Variants in GSDMC observed in about 807,000 individuals in gnomAD.
GSDMC encodes gasdermin C.
In GSDMC, 59 loss-of-function variants were observed where a neutral mutation model predicts 58.0. That is an observed-to-expected ratio of 1.02 (90% CI 0.82 to 1.26). The LOEUF (loss-of-function observed/expected upper bound fraction) is 1.26. Ranked by LOEUF, GSDMC falls within the 50% of genes most tolerant of loss-of-function variation. The pLI, the probability that GSDMC is intolerant of heterozygous loss-of-function variation, is 0.00. For synonymous variants in GSDMC, 241 were observed against 220.2 expected, an observed-to-expected ratio of 1.09 and a Z score of -0.83; for missense variants, 659 against 598.5, an observed-to-expected ratio of 1.10 and a Z score of -1.06.
At chr8:129,755,578 T>C (rs965248361) in intron 6 of GSDMC, among the ~76,000 whole-genome samples, 2 of 152,110 alleles carry the variant, frequency 1.3e-5, no homozygotes, top group African/African-American at 4.8e-5. Flanking sequence ...ATAAACATTA[T>C]AACACTATAA....
At chr8:129,775,135 T>C (rs1479670951) in intron 3 of GSDMC, among the ~76,000 whole-genome samples, 1 of 152,182 alleles carries the variant, frequency 6.6e-6, no homozygotes, top group Non-Finnish European at 1.5e-5. Context: ...GCAGCATTAT[T>C]CACAGAAACC....
chr8:129,728,684 C>T, the GSDMC span: 5 of 367,754 alleles, frequency 1.4e-5, no homozygotes, highest in South Asian at 1.5e-4. Flanking sequence ...TACCCAGCCA[C>T]ACTGGCTGCA....
rs897240975 is a variant in GSDMC at position 129,765,786 on chromosome 8, A to G, written c.412T>C (p.Leu138=). The G allele has an allele frequency of 1.9e-6, 3 of 1,613,188 alleles. No homozygotes were observed. The highest frequency in any genetic ancestry group is 2.5e-6 in the Non-Finnish European group (3 of 1,179,658). The stretch of plus-strand genomic sequence containing the variant: ...TTCAGAAATGATGGCTCTGGATCCA[A>G]CAGTTTCCTGGGGATTTAAGGAAGG... ...NLEDFQKRKL[L]DPEPSFLKEC... is the part of the protein sequence containing the mutation. Residue 138 remains leucine, a synonymous_variant, in exon 4 of 14, where the codon TTG becomes CTG. Transcript: ENST00000276708.
the GSDMC span, among the ~76,000 whole-genome samples, chr8:129,734,023 A>AT: frequency 2.0e-5 from 3 of 152,252 alleles, no homozygotes; most frequent in Non-Finnish European, 4.4e-5. Flanking sequence ...GAACTACGTG[A>AT]TGCATGCACA....
At chr8:129,758,051 G>T (rs1397552248) in intron 6 of GSDMC, among the ~76,000 whole-genome samples, 1 of 152,156 alleles carries the variant, frequency 6.6e-6, no homozygotes, top group Admixed American at 6.5e-5. Flanking sequence ...GGGATGCAAA[G>T]ATAGTTCAAC....
downstream of GSDMC, among the ~76,000 whole-genome samples, chr8:129,746,624 AG>A (rs1473677112): frequency 6.6e-6 from 1 of 152,240 alleles, no homozygotes; most frequent in Non-Finnish European, 1.5e-5. Flanking sequence ...GCCTGGTTAA[AG>A]TGCTTAACTT....
intron 1 of GSDMC, among the ~76,000 whole-genome samples, chr8:129,783,097 A>G (rs148511900): frequency 0.014 from 2,172 of 152,276 alleles, 60 homozygotes; most frequent in African/African-American, 0.049. Context: ...AGAAAATGAA[A>G]GACAAAAACC....
rs753181335 is a variant in GSDMC at position 129,752,815 on chromosome 8, C to T, written c.727G>A (p.Glu243Lys). The T allele has an allele frequency of 6.2e-6, 10 of 1,614,006 alleles. No homozygotes were observed. The highest frequency in any genetic ancestry group is 1.3e-5 in the African/African-American group (1 of 74,920). ...CAGTAGCCTACCATTTCGGAAATTT[C>T]GTACTCTTGGGAGAGAGGGAGAGCA... The part of the protein sequence containing the change: ...DEQRTFQDEY[E>K]ISEMVGYCAA... Residue 243 changes from glutamate (E) to lysine (K), a missense_variant, in exon 7 of 14, where the codon GAA becomes AAA. By Grantham distance (56) the Glu-to-Lys change is moderately conservative (BLOSUM62 1). Coordinates refer to ENST00000276708, the MANE Select transcript of GSDMC (RefSeq NM_031415.3).
intron 3 of GSDMC, among the ~76,000 whole-genome samples, chr8:129,770,669 T>C (rs1050673308): frequency 3.3e-5 from 5 of 151,920 alleles, no homozygotes; most frequent in East Asian, 1.9e-4. Context: ...GAATCAATCA[T>C]ACTACCACAA....
the GSDMC span, among the ~76,000 whole-genome samples, chr8:129,741,429 G>C: frequency 6.6e-6 from 1 of 151,972 alleles, no homozygotes; most frequent in Admixed American, 6.6e-5. Flanking sequence ...GATCACTTTG[G>C]GTAGTAGGGA....
At chr8:129,714,989 G>A in the GSDMC span, among the ~76,000 whole-genome samples, 1 of 152,170 alleles carries the variant, frequency 6.6e-6, no homozygotes, top group African/African-American at 2.4e-5. Context: ...ATAATACCAA[G>A]GGTAAGGTTA....
At chr8:129,729,886 C>A in the GSDMC span, 5 of 1,110,712 alleles carry the variant, frequency 4.5e-6, no homozygotes. Context: ...TTGCCCCAAC[C>A]TACTGAGATT....
chr8:129,781,737 G>A (rs1222234004), intron 1 of GSDMC, among the ~76,000 whole-genome samples: 15 of 125,586 alleles, frequency 1.2e-4, no homozygotes, highest in Non-Finnish European at 4.7e-5. Context: ...GTGACAGAGC[G>A]AGACTCCATC....
Position 129,757,180 on chromosome 8 carries a change from G to T in GSDMC, c.721+3365C>A, listed in dbSNP as rs550332042. Among the ~76,000 whole-genome samples the T allele has an allele frequency of 2.0e-4, 30 of 151,526 alleles. 1 individual carries two copies. The highest frequency in any genetic ancestry group is 1.4e-3 in the Admixed American group (22 of 15,228). On this transcript the variant is annotated intron_variant, in intron 6 of 13. Transcript: ENST00000276708. ...TAGCCAGAACAATAAAAAAAAAAAT[G>T]GAGAGGACGCAAATAAAATCAGAGA...
chr8:129,717,684 T>C, the GSDMC span, among the ~76,000 whole-genome samples: 1 of 152,086 alleles, frequency 6.6e-6, no homozygotes, highest in Non-Finnish European at 1.5e-5. Flanking sequence ...AAATTTCATA[T>C]GGAACCAAAA....
intron 6 of GSDMC, among the ~76,000 whole-genome samples, chr8:129,756,383 G>C (rs775266842): frequency 3.4e-4 from 51 of 152,042 alleles, no homozygotes; most frequent in Admixed American, 6.6e-4. Context: ...GAGCTAAAGA[G>C]AGAGATATTA....
intron 7 of GSDMC, 63 bp from the exon 8 acceptor site, chr8:129,752,210 T>C (rs2033235253): frequency 3.2e-6 from 4 of 1,264,826 alleles, no homozygotes; most frequent in Middle Eastern, 1.8e-4. Flanking sequence ...TTTCCTCCTC[T>C]ACTTCTTTCC....
In GSDMC at chr8:129,777,382, C is replaced by T. The variant is rs1442125447; in HGVS notation, c.206G>A (p.Ser69Asn). Residue 69 changes from serine to asparagine, a missense_variant, in exon 2 of 14, where the codon AGT becomes AAT. Transcript: ENST00000276708. ...EFSLNDILEPSSSVLETVVTG... is the reference protein window; with the variant it reads ...EFSLNDILEPNSSVLETVVTG... ...GCTGACAATACCTAGGACTGAAGAA[C>T]TTGGCTCCAGGATGTCATTGAGGGA... The T allele has an allele frequency of 6.2e-7, 1 of 1,610,738 alleles. No homozygotes were observed. The highest frequency in any genetic ancestry group is 2.2e-5 in the East Asian group (1 of 44,862).
the GSDMC span, among the ~76,000 whole-genome samples, chr8:129,740,528 T>C: frequency 6.6e-6 from 1 of 152,228 alleles, no homozygotes; most frequent in African/African-American, 2.4e-5. Context: ...CAGCTGTCTA[T>C]AGTATTCAGT....
Sources: allele counts gnomAD v4.1 joint callset (sites outside exome capture counted in the v4.1 genomes callset), GRCh38; gene constraint gnomAD v4.1.1; transcripts MANE v1.5; gene names NCBI Gene and HGNC (gene_info 2026-07-23, HGNC 2026-07-21).